The following WIPF1 variants were observed in gnomAD, a reference collection of about 807,000 sequenced individuals.
WIPF1 encodes the protein WAS/WASL-interacting protein family member 1.
WIPF1 carries 13 observed loss-of-function variants against 35.4 expected under a neutral mutation model. The observed-to-expected ratio is 0.37, with a 90% CI of 0.24 to 0.58. The LOEUF (loss-of-function observed/expected upper bound fraction) is 0.58, where lower values mean the gene tolerates loss of function less well. Ranked by LOEUF, WIPF1 falls within the 20% of genes least tolerant of loss-of-function variation. The pLI, the probability that WIPF1 is intolerant of heterozygous loss-of-function variation, is 0.74. For synonymous variants in WIPF1, 267 were observed against 266.3 expected, an observed-to-expected ratio of 1.00 and a Z score of -0.02; for missense variants, 591 against 667.0, an observed-to-expected ratio of 0.89 and a Z score of 1.25.
intron 3 of WIPF1, 133 bp from the exon 4 acceptor site, chr2:174,575,513 A>G (rs912284495): frequency 2.8e-6 from 4 of 1,428,708 alleles, no homozygotes; most frequent in South Asian, 3.1e-5. Flanking sequence ...ATTAAAATGC[A>G]GGATTTTAAG....
intron 1 of WIPF1, among the ~76,000 whole-genome samples, chr2:174,638,405 G>A (rs989912541): frequency 2.6e-5 from 4 of 152,064 alleles, no homozygotes; most frequent in Non-Finnish European, 4.4e-5. Context: ...TTTATGATGA[G>A]AACATTCAAA....
rs1334845649 is a variant in WIPF1 at position 174,567,973 on chromosome 2, G to C, written c.1230C>G (p.Pro410=). 1.9e-6 allele frequency: 3 copies of C among 1,614,108 alleles called. No homozygotes were observed. Among genetic ancestry groups the C allele is most frequent in the Admixed American group, 1.7e-5 (1 of 60,024 alleles). ...QLPSRSGVDS[P]RSGPRPPLPP... is the part of the protein sequence containing the mutation. The stretch of plus-strand genomic sequence containing the variant: ...GAAGGGGAGGCCTGGGTCCACTCCT[G>C]GGACTGTCTACTCCACTCCTGGATG... Residue 410 remains proline (P), a synonymous_variant, in exon 6 of 8, where the codon CCC becomes CCG. Coordinates refer to ENST00000679041, the MANE Select transcript of WIPF1 (RefSeq NM_001375834.1).
In WIPF1 at chr2:174,572,196, G is replaced by A. The variant is rs1204749292; in HGVS notation, c.609C>T (p.Ser203=). 6.2e-7 allele frequency: 1 copy of A among 1,614,178 alleles called. No homozygotes were observed. The highest frequency in any genetic ancestry group is 8.5e-7 in the Non-Finnish European group (1 of 1,180,024). ...GCCTGGGGCCTCCGGGCACTGGTGG[G>A]GACCCCCGGTTGTGCGGACTTGATT... is the stretch of plus-strand genomic sequence containing the variant. ...PIQSSPHNRG[S]PPVPGGPRQP... is the part of the protein sequence containing the mutation. Residue 203 remains serine, a synonymous_variant, in exon 5 of 8, where the codon TCC becomes TCT. Transcript: ENST00000679041.
At chr2:174,676,988 A>AAAAAC (rs990986778) in intron 1 of WIPF1, 10 of 152,194 alleles carry the variant, frequency 6.6e-5, no homozygotes, top group East Asian at 1.9e-4. Flanking sequence ...CATTTCCACA[A>AAAAAC]AAAACAAAAC....
intron 1 of WIPF1, among the ~76,000 whole-genome samples, chr2:174,597,106 AT>A (rs1340762689): frequency 2.0e-5 from 3 of 152,244 alleles, no homozygotes; most frequent in African/African-American, 7.2e-5. Flanking sequence ...CTGCTTAGAA[AT>A]GGTTTAGTTT....
intron 1 of WIPF1, among the ~76,000 whole-genome samples, chr2:174,680,880 C>T (rs1229153523): frequency 1.3e-5 from 2 of 152,104 alleles, no homozygotes; most frequent in Non-Finnish European, 2.9e-5. Context: ...ATCCTCATAC[C>T]CTGCAGTGGA....
At chr2:174,642,674 G>C (rs1341554895) in intron 1 of WIPF1, among the ~76,000 whole-genome samples, 1 of 148,614 alleles carries the variant, frequency 6.7e-6, no homozygotes, top group East Asian at 1.9e-4. Context: ...TGTTGAGACT[G>C]GGTCTCCCTC....
intron 1 of WIPF1, among the ~76,000 whole-genome samples, chr2:174,643,956 C>G (rs967181988): frequency 2.6e-5 from 4 of 152,158 alleles, no homozygotes; most frequent in African/African-American, 9.7e-5. Context: ...CATATGACTC[C>G]TAAAGATGGT....
rs142762450 is a variant in WIPF1, at chr2:174,655,250, C to T, written c.-39+27524G>A. Among the ~76,000 whole-genome samples the T allele has an allele frequency of 4.7e-3, 716 of 152,228 alleles. 8 individuals carry two copies. Among genetic ancestry groups the T allele is most frequent in the African/African-American group, 0.016 (670 of 41,518 alleles). On this transcript the variant is annotated intron_variant, in intron 1 of 8. Transcript: ENST00000272746. The stretch of plus-strand genomic sequence containing the variant: ...CCTGAGATCCATACCATTGGCCATC[C>T]ACCTCCCTCCCTTGCCCGGCCTTCT...
rs887452483 is a variant in WIPF1 at position 174,571,666 on chromosome 2, C to T, written c.1129+10G>A. 75 of 1,614,098 alleles carry T rather than the reference C, an allele frequency of 4.6e-5. No homozygotes were observed. The highest frequency in any genetic ancestry group is 6.3e-5 in the Non-Finnish European group (74 of 1,180,052). ...GTTTTGGAAGCAACTCACTCCACGT[C>T]TTGTCATACCTGATCGGCCTGGCGG... is the stretch of plus-strand genomic sequence containing the variant. On this transcript the variant is annotated intron_variant, in intron 5 of 7. Coordinates refer to ENST00000679041, the MANE Select transcript of WIPF1 (RefSeq NM_001375834.1). This position sits in a 1 kb window ranked among gnomAD's most constrained non-coding sequence, Gnocchi z 4.6.
intron 6 of WIPF1, 32 bp downstream of exon 6, chr2:174,567,829 C>T (rs760919514): frequency 1.3e-6 from 2 of 1,530,642 alleles, no homozygotes; most frequent in Non-Finnish European, 1.8e-6. Flanking sequence ...AGTTGCTGCC[C>T]TATAGCCCAG....
At chr2:174,682,375 T>C (rs1327737846) in intron 1 of WIPF1, among the ~76,000 whole-genome samples, 3 of 152,100 alleles carry the variant, frequency 2.0e-5, no homozygotes, top group Non-Finnish European at 4.4e-5. Flanking sequence ...AGCTGGGGTG[T>C]AGGTGCAGCC....
At chr2:174,589,794 T>G (rs1276720415) in intron 1 of WIPF1, among the ~76,000 whole-genome samples, 1 of 152,258 alleles carries the variant, frequency 6.6e-6, no homozygotes, top group African/African-American at 2.4e-5. Context: ...ATTTTCAACA[T>G]GCTGGCAACG....
At chr2:174,682,555 C>T (rs1055868257) in intron 1 of WIPF1, among the ~76,000 whole-genome samples, 1 of 151,814 alleles carries the variant, frequency 6.6e-6, no homozygotes. Flanking sequence ...CAGCAGAACG[C>T]GCGGGCCGCT....
chr2:174,562,283 T>G lies in WIPF1; in HGVS notation c.*264A>C. 6.6e-7 allele frequency: 1 copy of G among 1,524,730 alleles called. No individual in the cohort carries two copies. The highest frequency in any genetic ancestry group is 1.3e-5 in the South Asian group (1 of 79,916). The allele number at this position is 1,524,730 out of a possible 1,614,324, so 94.5% of individuals were successfully genotyped here. ...TGGGATGCAAGTCATCTCTGCCTATTACGACAAAAGCCTATCGACCCCAGC... is the reference window on the plus strand; with the variant it reads ...TGGGATGCAAGTCATCTCTGCCTATGACGACAAAAGCCTATCGACCCCAGC... On this transcript the variant is annotated 3_prime_UTR_variant, in exon 8 of 8. Coordinates refer to ENST00000679041, the MANE Select transcript of WIPF1 (RefSeq NM_001375834.1).
intron 1 of WIPF1, among the ~76,000 whole-genome samples, chr2:174,617,326 T>G (rs1453696320): frequency 1.3e-5 from 2 of 152,156 alleles, no homozygotes; most frequent in Non-Finnish European, 2.9e-5. Flanking sequence ...GCAATAAGGG[T>G]TAGAATACTT....
At chr2:174,672,267 T>C (rs894090264) in intron 1 of WIPF1, among the ~76,000 whole-genome samples, 5 of 152,258 alleles carry the variant, frequency 3.3e-5, no homozygotes, top group African/African-American at 4.8e-5. Context: ...ATATAAATGA[T>C]GTGTGCTTAC....
rs1684597748 is a variant in WIPF1 at position 174,564,816 on chromosome 2, C to CACAT, written c.1457-2215_1457-2214insATGT. Reference sequence around the variant, plus strand: ...TCAAACAGAAGCCCTTCTTCTGGTGCACACACACACACACACACACACACA... The same window carrying CACAT: ...TCAAACAGAAGCCCTTCTTCTGGTGCACATACACACACACACACACACACACACA... On this transcript the variant is annotated intron_variant, in intron 7 of 7. Transcript: ENST00000679041. 5.0e-4 allele frequency among the ~76,000 whole-genome samples: 4 copies of CACAT among 7,940 alleles called. No homozygotes were observed. In the South Asian group the frequency reaches 0.045, roughly 90 times the overall value. 5.2% of individuals were successfully genotyped at this position (7,940 alleles called of 152,430 possible). A position where few individuals can be genotyped will look rare whatever the true frequency, so the allele number is the denominator to read the frequency against.
At chr2:174,649,162 C>T (rs1271890564) in intron 1 of WIPF1, among the ~76,000 whole-genome samples, 1 of 152,088 alleles carries the variant, frequency 6.6e-6, no homozygotes, top group African/African-American at 2.4e-5. Flanking sequence ...ATCATCAGGC[C>T]ATACTAGGGG....
Sources: allele counts gnomAD v4.1 joint callset (sites outside exome capture counted in the v4.1 genomes callset), GRCh38; gene constraint gnomAD v4.1.1; non-coding constraint Gnocchi (gnomAD v3.1); transcripts MANE v1.5; gene names NCBI Gene and HGNC (gene_info 2026-07-23, HGNC 2026-07-21).